Variants in PRUNE2 observed in about 807,000 individuals in gnomAD.
The protein encoded by PRUNE2 is protein prune homolog 2.
Under a neutral mutation model 252.0 loss-of-function variants are expected in PRUNE2, and 164 were observed. That is an observed-to-expected ratio of 0.65 (90% CI 0.57 to 0.74). The LOEUF (loss-of-function observed/expected upper bound fraction) is 0.74. Ranked by LOEUF, PRUNE2 falls within the 30% of genes least tolerant of loss-of-function variation. PRUNE2 has a pLI of 0.00. For missense variants in PRUNE2, 3,495 were observed against 3,711.0 expected (o/e 0.94, Z 1.51); for synonymous variants, 1,292 against 1,350.2 (o/e 0.96, Z 0.94).
intron 15 of PRUNE2, among the ~76,000 whole-genome samples, chr9:76,634,736 A>G (rs946740265): frequency 6.6e-6 from 1 of 152,220 alleles, no homozygotes. Context: ...TAATAAACTG[A>G]TTGATTTGTC....
At chr9:76,650,733 C>T (rs545991645) in intron 11 of PRUNE2, among the ~76,000 whole-genome samples, 7 of 152,274 alleles carry the variant, frequency 4.6e-5, no homozygotes, top group Admixed American at 2.0e-4. Context: ...CTGGTTCTTT[C>T]AACACAGCTA....
chr9:76,671,396 G>A (rs1003682374), intron 9 of PRUNE2, among the ~76,000 whole-genome samples: 9 of 150,424 alleles, frequency 6.0e-5, no homozygotes, highest in African/African-American at 2.2e-4. Context: ...AGAAATATGG[G>A]ACTATGTGAA....
chr9:76,738,178 T>C (rs2049247762), intron 6 of PRUNE2: 1 of 152,130 alleles, frequency 6.6e-6, no homozygotes, highest in African/African-American at 2.4e-5. Flanking sequence ...TTAATCATTC[T>C]ACCAGGTAAG....
chr9:76,650,586 G>A (rs1847005230), intron 11 of PRUNE2, among the ~76,000 whole-genome samples: 1 of 152,000 alleles, frequency 6.6e-6, no homozygotes. Context: ...GCTATTCAGA[G>A]GCACTTTGTG....
At chr9:76,793,594 G>A (rs1375529862) in intron 6 of PRUNE2, among the ~76,000 whole-genome samples, 1 of 152,174 alleles carries the variant, frequency 6.6e-6, no homozygotes, top group Non-Finnish European at 1.5e-5. Context: ...AAATAACTGT[G>A]AAGGGAGCAG....
At chr9:76,903,736 C>T (rs978121785) in intron 1 of PRUNE2, among the ~76,000 whole-genome samples, 27 of 152,048 alleles carry the variant, frequency 1.8e-4, no homozygotes, top group African/African-American at 5.3e-4. Context: ...TACAGGCACA[C>T]GCCACCATGC....
intron 1 of PRUNE2, among the ~76,000 whole-genome samples, chr9:76,885,150 T>G (rs906021870): frequency 6.6e-6 from 1 of 152,210 alleles, no homozygotes; most frequent in African/African-American, 2.4e-5. Context: ...TCAAATACAT[T>G]TTTAAAGATA....
In PRUNE2 at chr9:76,838,666, A is replaced by C. The variant is rs997592353; in HGVS notation, c.508+7849T>G. The stretch of plus-strand genomic sequence containing the variant: ...GTCTCAAAAAAAAAAAAAAAAAAAA[A>C]AAACAAATACAGCCAGAACCCATCT... On this transcript the variant is annotated intron_variant, in intron 4 of 18. Transcript: ENST00000376718. 2.4e-4 allele frequency among the ~76,000 whole-genome samples: 36 copies of C among 150,800 alleles called. 1 individual carries two copies. The East Asian group carries it at 6.2e-3, about 26-fold the overall frequency.
intron 12 of PRUNE2, among the ~76,000 whole-genome samples, chr9:76,642,893 G>A (rs1357012998): frequency 1.3e-5 from 2 of 152,208 alleles, no homozygotes; most frequent in Admixed American, 6.5e-5. Flanking sequence ...TGCCTGGAGA[G>A]GGCCAAGGCA....
In PRUNE2 at chr9:76,853,714, C is replaced by T. The variant is rs115551583; in HGVS notation, c.141+390G>A. Among the ~76,000 whole-genome samples the T allele has an allele frequency of 7.6e-3, 1,159 of 152,336 alleles. 9 individuals carry two copies. The highest frequency in any genetic ancestry group is 0.027 in the African/African-American group (1,123 of 41,580). On this transcript the variant is annotated intron_variant, in intron 2 of 18. Transcript: ENST00000376718. ...TACTGTTCACACAAGTTATTCTGCA[C>T]GTATTTTTCTGCTCCCAAGGGCAGG...
intron 6 of PRUNE2, among the ~76,000 whole-genome samples, chr9:76,769,026 A>G (rs1789370139): frequency 6.6e-6 from 1 of 152,170 alleles, no homozygotes; most frequent in Admixed American, 6.5e-5. Flanking sequence ...TGACAGTTTA[A>G]GAGATATTCT....
Position 76,707,672 on chromosome 9 carries a change from ATC to A in PRUNE2, c.4600_4601del (p.Asp1534TyrfsTer4), listed in dbSNP as rs756512966. On this transcript the variant is annotated frameshift_variant, in exon 8 of 19. Transcript: ENST00000376718. LOFTEE classifies it high-confidence loss of function. Reference protein sequence around the residue: ...GAGSSGNFDRDTISSEYTHSS... With the variant: ...GAGSSGNFDRXTISSEYTHSS... ...AATGAGTATACTCACTAGAAATAGT[ATC>A]TCTGTCAAAATTTCCAGACGAACCG... 4 of 1,613,834 alleles carry A rather than the reference ATC, an allele frequency of 2.5e-6. No homozygotes were observed. Among genetic ancestry groups the A allele is most frequent in the Non-Finnish European group, 3.4e-6 (4 of 1,179,866 alleles).
chr9:76,699,752 TTGTTC>T (rs2045721769), intron 9 of PRUNE2, among the ~76,000 whole-genome samples: 2 of 152,278 alleles, frequency 1.3e-5, no homozygotes, highest in African/African-American at 4.8e-5. Flanking sequence ...TATCTCCTAT[TTGTTC>T]TGTTTTTCTG....
intron 5 of PRUNE2, among the ~76,000 whole-genome samples, chr9:76,824,974 T>C (rs1035497431): frequency 1.3e-4 from 20 of 152,082 alleles, no homozygotes; most frequent in Admixed American, 3.9e-4. Context: ...GACATGCACA[T>C]CTATGCATAG....
At position 76,804,000 on chromosome 9, in the gene PRUNE2, G is replaced by A. The variant is rs150734918; in HGVS notation, c.756+19632C>T. On this transcript the variant is annotated intron_variant, in intron 6 of 18. Transcript: ENST00000376718. ...CTGGCTCTGCCTCTCACATCTCTCC[G>A]CCGAGAACTGCATTGTGTTCACTCT... Among the ~76,000 whole-genome samples the A allele has an allele frequency of 3.7e-3, 555 of 151,938 alleles. 1 individual carries two copies. The highest frequency in any genetic ancestry group is 5.5e-3 in the Non-Finnish European group (375 of 67,956).
intron 6 of PRUNE2, among the ~76,000 whole-genome samples, chr9:76,776,761 C>T (rs1411969571): frequency 6.6e-6 from 1 of 151,524 alleles, no homozygotes; most frequent in African/African-American, 2.4e-5. Flanking sequence ...ATGATCCACC[C>T]ACCTCAGCCT....
At chr9:76,879,249 T>C (rs1229081169) in intron 1 of PRUNE2, among the ~76,000 whole-genome samples, 1 of 152,200 alleles carries the variant, frequency 6.6e-6, no homozygotes, top group Non-Finnish European at 1.5e-5. Flanking sequence ...GAAAGAGATG[T>C]TTTGCAAACT....
chr9:76,847,797 A>C (rs1303389384), intron 3 of PRUNE2, among the ~76,000 whole-genome samples: 1 of 152,276 alleles, frequency 6.6e-6, no homozygotes, highest in Non-Finnish European at 1.5e-5. Flanking sequence ...ATTCTATTTC[A>C]TAAACAATTC....
At chr9:76,614,683 C>CT (rs148707819) in intron 18 of PRUNE2, 83 bp from the exon 19 acceptor site, 63,674 of 1,035,898 alleles carry the variant, frequency 0.061, 2,892 homozygotes, top group South Asian at 0.16. Flanking sequence ...ACTGTGTTTG[C>CT]TTTTTTCCTC....
Sources: gnomAD v4.1 joint callset for allele counts (sites outside exome capture counted in the v4.1 genomes callset) on GRCh38, gnomAD v4.1.1 for gene constraint, MANE v1.5 for transcripts, NCBI Gene and HGNC (gene_info 2026-07-23, HGNC 2026-07-21) for gene names.